The following ZNF26 variants were observed in gnomAD, a reference collection of about 807,000 sequenced individuals.
The protein encoded by ZNF26 is epididymis luminal protein 179.
ZNF26 carries 32 observed loss-of-function variants against 54.9 expected under a neutral mutation model. The ratio of observed to expected loss-of-function variants is 0.58; its 90% confidence interval spans 0.44 to 0.78. The LOEUF (loss-of-function observed/expected upper bound fraction) is 0.78, where lower values mean the gene tolerates loss of function less well. Among genes scored for constraint, ZNF26 ranks in the 30% least tolerant of loss-of-function variants. The pLI is 0.00. For missense variants in ZNF26, 524 were observed against 634.0 expected (o/e 0.83, Z 1.86); for synonymous variants, 221 against 209.2 (o/e 1.06, Z -0.49).
chr12:133,000,667 G>A (rs891603489), intron 1 of ZNF26, among the ~76,000 whole-genome samples: 25 of 151,776 alleles, frequency 1.6e-4, no homozygotes, highest in African/African-American at 5.8e-4. Context: ...CTCGTGATCC[G>A]CCCACCTTGG....
intron 1 of ZNF26, chr12:133,005,676 G>A (rs1048261648): frequency 1.3e-5 from 2 of 152,170 alleles, no homozygotes; most frequent in African/African-American, 4.8e-5. Context: ...CATCAGGGCA[G>A]GGCCCCTATG....
chr12:133,003,930 G>A (rs1953272380), intron 1 of ZNF26, among the ~76,000 whole-genome samples: 1 of 152,172 alleles, frequency 6.6e-6, no homozygotes, highest in Non-Finnish European at 1.5e-5. Flanking sequence ...TAAGTCCCTT[G>A]AGTTAAACTG....
At chr12:132,990,857 C>A (rs919934633) in intron 1 of ZNF26, among the ~76,000 whole-genome samples, 3 of 151,884 alleles carry the variant, frequency 2.0e-5, no homozygotes, top group Non-Finnish European at 4.4e-5. Context: ...CCTTTATTGT[C>A]CTTTTTTCTT....
At position 133,011,289 on chromosome 12, in the gene ZNF26, G is replaced by T. The variant is rs2137262449; in HGVS notation, c.1410G>T (p.Gln470His). 1 of 1,613,936 alleles carries T rather than the reference G, an allele frequency of 6.2e-7. No homozygotes were observed. Among genetic ancestry groups the T allele is most frequent in the East Asian group, 2.2e-5 (1 of 44,856 alleles). ...EKAYPRKASL[Q>H]IHQKTHSGEK... is the part of the protein sequence containing the mutation. ...CCTACCCTAGGAAGGCATCACTTCA[G>T]ATACACCAGAAAACTCATTCGGGAG... The change falls in exon 4 of 4, where the codon CAG (glutamine) becomes CAT (histidine). Residue 470 changes from glutamine (Q) to histidine (H), a missense_variant. By Grantham distance (24) the Gln-to-His change is conservative. Transcript: ENST00000328654.
In ZNF26 at chr12:133,011,278, G is replaced by A. The variant is rs1446720608; in HGVS notation, c.1399G>A (p.Ala467Thr). ...NECEKAYPRK[A>T]SLQIHQKTHS... ...ATGTGAAAAAGCCTACCCTAGGAAG[G>A]CATCACTTCAGATACACCAGAAAAC... The change falls in exon 4 of 4, where the codon GCA becomes ACA. Residue 467 changes from alanine to threonine, a missense_variant. Transcript: ENST00000328654. 5 of 1,613,762 alleles carry A rather than the reference G, an allele frequency of 3.1e-6. No individual in the cohort carries two copies. Among genetic ancestry groups the A allele is most frequent in the Middle Eastern group, 1.6e-4 (1 of 6,080 alleles).
intron 1 of ZNF26, among the ~76,000 whole-genome samples, chr12:132,996,528 G>A (rs1056531695): frequency 2.8e-4 from 42 of 152,268 alleles, no homozygotes; most frequent in African/African-American, 8.9e-4. Context: ...ATTATTGAGA[G>A]TTAGAATTAT....
rs1205962420 is a variant in ZNF26 at position 133,021,787 on chromosome 12, C to T, written c.*10306C>T. The T allele has an allele frequency of 5.5e-5, 8 of 145,384 alleles. No individual in the cohort carries two copies. The highest frequency in any genetic ancestry group is 1.8e-4 in the African/African-American group (7 of 39,644). 9.0% of individuals were successfully genotyped at this position (145,384 alleles called of 1,614,324 possible). The stretch of plus-strand genomic sequence containing the variant: ...CTCAGAAAAAAGAAAGAAAGAAAAA[C>T]GTTTATTTGTAGAGAAAGCTAACAT... On this transcript the variant is annotated 3_prime_UTR_variant, in exon 4 of 4. Coordinates refer to ENST00000328654, the MANE Select transcript of ZNF26 (RefSeq NM_019591.4).
chr12:132,988,381 A>G (rs1952873285), intron 1 of ZNF26, among the ~76,000 whole-genome samples: 1 of 151,954 alleles, frequency 6.6e-6, no homozygotes, highest in East Asian at 1.9e-4. Flanking sequence ...GATTACAGGC[A>G]TATGCCACCA....
In ZNF26 at chr12:132,986,520, T is replaced by C. The variant is rs952525202; in HGVS notation, c.-321T>C. 16 of 466,218 alleles carry C rather than the reference T, an allele frequency of 3.4e-5. No individual in the cohort carries two copies. The highest frequency in any genetic ancestry group is 2.9e-4 in the African/African-American group (15 of 50,894). The allele number at this position is 466,218 out of a possible 1,614,324, so 28.9% of individuals were successfully genotyped here. A position where few individuals can be genotyped will look rare whatever the true frequency, so the allele number is the denominator to read the frequency against. ...GGATTATCCTGGGCAGACCAGAGAC[T>C]TGACCAGCTAAACACTTCCGTCGGT... On this transcript the variant is annotated 5_prime_UTR_variant, in exon 1 of 4. Transcript: ENST00000328654.
At chr12:132,987,617 C>A in intron 1 of ZNF26, 1 of 798,132 alleles carries the variant, frequency 1.3e-6, no homozygotes, top group Non-Finnish European at 1.5e-6. Context: ...AAGAGGGACC[C>A]TGGGAATGAC....
In ZNF26 at chr12:133,025,019, A is replaced by G. The variant is rs1953684712; in HGVS notation, c.*13538A>G. On this transcript the variant is annotated 3_prime_UTR_variant, in exon 4 of 4. Transcript: ENST00000328654. Reference sequence around the variant, plus strand: ...GATACTCACTTGCAAACATGGTCACATTTTATGAAAAACCATGGATGACTC... The same window carrying G: ...GATACTCACTTGCAAACATGGTCACGTTTTATGAAAAACCATGGATGACTC... 2 of 152,228 alleles carry G rather than the reference A, an allele frequency of 1.3e-5. No individual in the cohort carries two copies. The highest frequency in any genetic ancestry group is 2.9e-5 in the Non-Finnish European group (2 of 68,048). 9.4% of individuals were successfully genotyped at this position (152,228 alleles called of 1,614,324 possible). A position where few individuals can be genotyped will look rare whatever the true frequency, so the allele number is the denominator to read the frequency against.
rs1037628913 is a variant in ZNF26, at chr12:133,020,861, C to T, written c.*9380C>T. ...CTCACTGTCTCATCACATAATCTCC[C>T]TTCTATATGCACATATCTCTGTGCA... On this transcript the variant is annotated 3_prime_UTR_variant, in exon 4 of 4. Coordinates refer to ENST00000328654, the MANE Select transcript of ZNF26 (RefSeq NM_019591.4). 1.3e-5 allele frequency: 2 copies of T among 152,132 alleles called. No homozygotes were observed. Among genetic ancestry groups the T allele is most frequent in the Non-Finnish European group, 2.9e-5 (2 of 68,032 alleles). 9.4% of individuals were successfully genotyped at this position (152,132 alleles called of 1,614,324 possible). A position where few individuals can be genotyped will look rare whatever the true frequency, so the allele number is the denominator to read the frequency against.
At position 133,007,481 on chromosome 12, in the gene ZNF26, G is replaced by A; in HGVS notation, c.205G>A (p.Gly69Arg). 6.2e-7 allele frequency: 1 copy of A among 1,613,984 alleles called. No homozygotes were observed. Among genetic ancestry groups the A allele is most frequent in the South Asian group, 1.1e-5 (1 of 91,044 alleles). Residue 69 changes from glycine (G) to arginine (R), a missense_variant, in exon 3 of 4, where the codon GGA becomes AGA. Physicochemically the swap from Gly to Arg is moderately radical, Grantham distance 125 (BLOSUM62 -2). Coordinates refer to ENST00000328654, the MANE Select transcript of ZNF26 (RefSeq NM_019591.4). Reference sequence around the variant, plus strand: ...TGACTTAATCTTCAAGTTGGAACAAGGAGAAGATCCATGGATAATAAATGC... The same window carrying A: ...TGACTTAATCTTCAAGTTGGAACAAAGAGAAGATCCATGGATAATAAATGC... ...KPDLIFKLEQ[G>R]EDPWIINAKI...
At position 133,007,366 on chromosome 12, in the gene ZNF26, C is replaced by T. The variant is rs2137252242; in HGVS notation, c.161-71C>T. On this transcript the variant is annotated intron_variant, in intron 2 of 3. Transcript: ENST00000328654. ...CCCAAGTGAGATGAGCAGTTTTGCT[C>T]TGTAGCTCTTGATTCCTCGGTCCTG... 3 of 1,411,006 alleles carry T rather than the reference C, an allele frequency of 2.1e-6. No homozygotes were observed. In the South Asian group the frequency reaches 3.9e-5, roughly 18 times the overall value. The allele number at this position is 1,411,006 out of a possible 1,614,324, so 87.4% of individuals were successfully genotyped here. A position where few individuals can be genotyped will look rare whatever the true frequency, so the allele number is the denominator to read the frequency against.
Position 133,013,846 on chromosome 12 carries a change from T to C in ZNF26, c.*2365T>C, listed in dbSNP as rs1953527520. The C allele has an allele frequency of 1.3e-5, 2 of 154,334 alleles. No homozygotes were observed. Among genetic ancestry groups the C allele is most frequent in the African/African-American group, 4.8e-5 (2 of 41,504 alleles). 9.6% of individuals were successfully genotyped at this position (154,334 alleles called of 1,614,324 possible). On this transcript the variant is annotated 3_prime_UTR_variant, in exon 4 of 4. Transcript: ENST00000328654. ...ACTGCAGATGCTTCATTTAAGGCTA[T>C]AGAGTAGATGTTGGCAATATATAAA...
intron 3 of ZNF26, among the ~76,000 whole-genome samples, chr12:133,008,385 T>G (rs1953382185): frequency 6.6e-6 from 1 of 152,166 alleles, no homozygotes; most frequent in Non-Finnish European, 1.5e-5. Flanking sequence ...CTCCCACATC[T>G]AGTCCCTTAG....
In ZNF26 at chr12:133,001,748, C is replaced by CG. The variant is rs2137239016; in HGVS notation, c.34-5290dup. On this transcript the variant is annotated intron_variant, in intron 1 of 3. Coordinates refer to ENST00000328654, the MANE Select transcript of ZNF26 (RefSeq NM_019591.4). The surrounding 1 kb of genome is among the most constrained non-coding windows in gnomAD (Gnocchi z 4.7). ...CTGCCTGAGGTGAGCCGCAGGGAGGCGGGGCCCTGTTTGAGGTGAGCTGCT... is the reference window on the plus strand; with the variant it reads ...CTGCCTGAGGTGAGCCGCAGGGAGGCGGGGGCCCTGTTTGAGGTGAGCTGCT... 1 of 1,281,392 alleles carries CG rather than the reference C, an allele frequency of 7.8e-7. No individual in the cohort carries two copies. The highest frequency in any genetic ancestry group is 1.0e-6 in the Non-Finnish European group (1 of 981,920). 79.4% of individuals were successfully genotyped at this position (1,281,392 alleles called of 1,614,324 possible).
At chr12:133,007,194 C>A in intron 2 of ZNF26, 26 bp downstream of exon 2, 1 of 1,606,666 alleles carries the variant, frequency 6.2e-7, no homozygotes, top group South Asian at 1.1e-5. Context: ...CAATGTTACT[C>A]AGATAGTGAA....
rs765703710 is a variant in ZNF26 at position 133,000,666 on chromosome 12, C to T, written c.34-6376C>T. On this transcript the variant is annotated intron_variant, in intron 1 of 3. Coordinates refer to ENST00000328654, the MANE Select transcript of ZNF26 (RefSeq NM_019591.4). ...GTCTCGATCTCCTGACCTCGTGATC[C>T]GCCCACCTTGGCCTCCCAAAGTGCT... Among the ~76,000 whole-genome samples, 457 of 152,092 alleles carry T rather than the reference C, an allele frequency of 3.0e-3. 1 individual carries two copies. Among genetic ancestry groups the T allele is most frequent in the Non-Finnish European group, 4.5e-3 (305 of 67,968 alleles).
Sources: allele counts gnomAD v4.1 joint callset (sites outside exome capture counted in the v4.1 genomes callset), GRCh38; gene constraint gnomAD v4.1.1; non-coding constraint Gnocchi (gnomAD v3.1); transcripts MANE v1.5; gene names NCBI Gene and HGNC (gene_info 2026-07-23, HGNC 2026-07-21).